Variants in DNMT3A observed in about 807,000 individuals in gnomAD.
The protein encoded by DNMT3A is DNA (cytosine-5)-methyltransferase 3A.
A neutral mutation model predicts 117.6 loss-of-function variants in DNMT3A; 267 were observed. The observed-to-expected ratio is 2.27, with a 90% CI of 2.05 to 2.51. The LOEUF is 2.51. Ranked by LOEUF, DNMT3A falls within the 30% of genes most tolerant of loss-of-function variation. The pLI, the probability that DNMT3A is intolerant of heterozygous loss-of-function variation, is 0.00. For missense variants in DNMT3A, 1,029 were observed against 1,260.2 expected, an observed-to-expected ratio of 0.82 and a Z score of 2.78; for synonymous variants, 432 against 474.8, an observed-to-expected ratio of 0.91 and a Z score of 1.17.
At chr2:25,251,341 G>A (rs1158798445) in intron 6 of DNMT3A, among the ~76,000 whole-genome samples, 1 of 151,726 alleles carries the variant, frequency 6.6e-6, no homozygotes, top group Admixed American at 6.6e-5. Context: ...CGAGGCTCTC[G>A]CATTTGGGCT....
intron 3 of DNMT3A, among the ~76,000 whole-genome samples, chr2:25,297,351 G>C (rs562446235): frequency 1.1e-4 from 17 of 152,234 alleles, no homozygotes; most frequent in Admixed American, 1.0e-3. Flanking sequence ...ACTTGGGCTA[G>C]AACACATCCA....
intron 3 of DNMT3A, among the ~76,000 whole-genome samples, chr2:25,289,561 G>A (rs745558033): frequency 2.0e-5 from 3 of 152,194 alleles, no homozygotes; most frequent in South Asian, 4.1e-4. Flanking sequence ...TGGGTCACAC[G>A]CCTCTGATCA....
At chr2:25,248,345 G>C (rs898045268) in intron 6 of DNMT3A, 93 bp from the exon 7 acceptor site, 2 of 1,401,590 alleles carry the variant, frequency 1.4e-6, no homozygotes, top group Non-Finnish European at 1.9e-6. Flanking sequence ...TCAAAACCCG[G>C]AACAGTGACA....
chr2:25,234,959 T>C lies in DNMT3A; in HGVS notation c.2598-539A>G, dbSNP rs1022400393. 6.6e-6 allele frequency among the ~76,000 whole-genome samples: 1 copy of C among 152,132 alleles called. No homozygotes were observed. Among genetic ancestry groups the C allele is most frequent in the Non-Finnish European group, 1.5e-5 (1 of 68,024 alleles). On this transcript the variant is annotated intron_variant, in intron 22 of 22. Transcript: ENST00000321117. This position sits in a 1 kb window ranked among gnomAD's most constrained non-coding sequence, Gnocchi z 4.5. The stretch of plus-strand genomic sequence containing the variant: ...TAAATGGTCTCTTTGTCTGGCTAAA[T>C]CCTAGTTACACTCAGAGAACAAGAA...
At chr2:25,278,025 AC>A (rs2031581982) in intron 4 of DNMT3A, among the ~76,000 whole-genome samples, 4 of 83,566 alleles carry the variant, frequency 4.8e-5, no homozygotes, top group African/African-American at 1.1e-4. Flanking sequence ...ACACACACAC[AC>A]ACACACACAC....
intron 1 of DNMT3A, among the ~76,000 whole-genome samples, chr2:25,322,441 A>G (rs894699590): frequency 4.6e-5 from 7 of 150,712 alleles, no homozygotes; most frequent in Non-Finnish European, 8.9e-5. Flanking sequence ...CAACACTGGT[A>G]CCTCCCTCTC....
intron 1 of DNMT3A, among the ~76,000 whole-genome samples, chr2:25,329,851 G>A (rs1573506288): frequency 6.6e-6 from 1 of 152,228 alleles, no homozygotes; most frequent in East Asian, 1.9e-4. Flanking sequence ...GGAGCCAGAG[G>A]ATGCTGGGCG....
At chr2:25,274,026 C>T (rs2031179506) in intron 6 of DNMT3A, among the ~76,000 whole-genome samples, 1 of 152,204 alleles carries the variant, frequency 6.6e-6, no homozygotes, top group South Asian at 2.1e-4. Context: ...GGGTTCTGCT[C>T]TCAAATCCCA....
intron 1 of DNMT3A, among the ~76,000 whole-genome samples, chr2:25,323,528 T>C (rs192931390): frequency 6.6e-6 from 1 of 152,334 alleles, no homozygotes; most frequent in African/African-American, 2.4e-5. Flanking sequence ...GCCTCAGTTT[T>C]CTCAGCTGTC....
chr2:25,309,001 G>A (rs4080622), intron 2 of DNMT3A, among the ~76,000 whole-genome samples: 50,157 of 136,220 alleles, frequency 0.37, 8,766 homozygotes, highest in Non-Finnish European at 0.41. Flanking sequence ...ACACACACAC[G>A]CACGCACATG....
intron 6 of DNMT3A, among the ~76,000 whole-genome samples, chr2:25,250,605 C>T (rs529298246): frequency 5.3e-5 from 8 of 152,344 alleles, no homozygotes; most frequent in African/African-American, 1.9e-4. Flanking sequence ...GTGTGGACCC[C>T]GCTATGGGGG....
In DNMT3A at chr2:25,283,484, G is replaced by T. The variant is rs75728081; in HGVS notation, c.178-773C>A. On this transcript the variant is annotated intron_variant, in intron 3 of 22. Coordinates refer to ENST00000321117, the MANE Select transcript of DNMT3A (RefSeq NM_022552.5). Reference sequence around the variant, plus strand: ...GACTCAGGCTGGTCTGACTTCTGTGGTCAGTGCCCTCCCAGCTTTCCTCTT... The same window carrying T: ...GACTCAGGCTGGTCTGACTTCTGTGTTCAGTGCCCTCCCAGCTTTCCTCTT... 2.9e-3 allele frequency among the ~76,000 whole-genome samples: 436 copies of T among 152,108 alleles called. 2 individuals are homozygous for T. Among genetic ancestry groups the T allele is most frequent in the African/African-American group, 0.01 (425 of 41,468 alleles).
intron 3 of DNMT3A, among the ~76,000 whole-genome samples, chr2:25,288,994 C>CA (rs1191214680): frequency 1.3e-5 from 2 of 152,160 alleles, no homozygotes; most frequent in Non-Finnish European, 2.9e-5. Flanking sequence ...ATGCATGCCA[C>CA]GTTTGTTTAC....
Position 25,254,867 on chromosome 2 carries a change from G to T in DNMT3A, c.640-6615C>A, listed in dbSNP as rs573530817. On this transcript the variant is annotated intron_variant, in intron 6 of 22. Transcript: ENST00000321117. The surrounding 1 kb of genome is among the most constrained non-coding windows in gnomAD (Gnocchi z 4.7). ...TGGGACATAAGACTGCAATGATGCC[G>T]TGCGTGCAGCAAGGACTCAAGGTGT... Among the ~76,000 whole-genome samples, 1 of 152,198 alleles carries T rather than the reference G, an allele frequency of 6.6e-6. No individual in the cohort carries two copies. The highest frequency in any genetic ancestry group is 1.5e-5 in the Non-Finnish European group (1 of 68,040).
At chr2:25,268,448 G>A (rs1266625269) in intron 6 of DNMT3A, among the ~76,000 whole-genome samples, 3 of 152,188 alleles carry the variant, frequency 2.0e-5, no homozygotes, top group Admixed American at 2.0e-4. Context: ...CTGACCCTGG[G>A]TCTCTGTGCT....
chr2:25,236,748 G>A lies in DNMT3A; in HGVS notation c.2478+188C>T, dbSNP rs1292060080. On this transcript the variant is annotated intron_variant, in intron 21 of 22. Coordinates refer to ENST00000321117, the MANE Select transcript of DNMT3A (RefSeq NM_022552.5). The surrounding 1 kb of genome is among the most constrained non-coding windows in gnomAD (Gnocchi z 4.5). ...ATGGGCGACACTCACCAGGGAGGAA[G>A]GGCTGAAGGCCAGCAGCCCTGGGCC... Among the ~76,000 whole-genome samples, 1 of 152,236 alleles carries A rather than the reference G, an allele frequency of 6.6e-6. No homozygotes were observed. Among genetic ancestry groups the A allele is most frequent in the Non-Finnish European group, 1.5e-5 (1 of 68,028 alleles).
chr2:25,299,543 G>A (rs2033298294), intron 3 of DNMT3A, among the ~76,000 whole-genome samples: 1 of 152,206 alleles, frequency 6.6e-6, no homozygotes, highest in South Asian at 2.1e-4. Context: ...TCCAGAGGGA[G>A]GCCAGGAGTC....
intron 4 of DNMT3A, among the ~76,000 whole-genome samples, 155 bp from the exon 5 acceptor site, chr2:25,275,698 C>A (rs546538928): frequency 6.6e-6 from 1 of 152,304 alleles, no homozygotes; most frequent in African/African-American, 2.4e-5. Flanking sequence ...TGGCCCACCA[C>A]ATGCCAGGCA....
chr2:25,291,266 A>C (rs2032744551), intron 3 of DNMT3A, among the ~76,000 whole-genome samples: 1 of 152,254 alleles, frequency 6.6e-6, no homozygotes, highest in South Asian at 2.1e-4. Flanking sequence ...TGTCCACGTA[A>C]GCAGGGCAGC....
Sources: allele counts gnomAD v4.1 joint callset (sites outside exome capture counted in the v4.1 genomes callset), GRCh38; gene constraint gnomAD v4.1.1; non-coding constraint Gnocchi (gnomAD v3.1); transcripts MANE v1.5; gene names NCBI Gene and HGNC (gene_info 2026-07-23, HGNC 2026-07-21).